NAA25: variants seen among roughly 807,000 people sequenced by gnomAD.
NAA25 encodes N-alpha-acetyltransferase 25, NatB auxiliary subunit.
In NAA25, 30 loss-of-function variants were observed where a neutral mutation model predicts 132.5. The observed-to-expected ratio is 0.23, with a 90% CI of 0.17 to 0.31. The LOEUF is 0.31. NAA25 is among the 10% of genes least tolerant of loss of function. NAA25 has a pLI of 1.00. For synonymous variants in NAA25, 359 were observed against 401.9 expected, an observed-to-expected ratio of 0.89 and a Z score of 1.28; for missense variants, 771 against 1,150.4, an observed-to-expected ratio of 0.67 and a Z score of 4.77.
In NAA25 at chr12:112,029,234, A is replaced by T. The variant is rs2078119106; in HGVS notation, c.*297T>A. 3.0e-6 allele frequency: 1 copy of T among 333,894 alleles called. No homozygotes were observed. The highest frequency in any genetic ancestry group is 5.5e-6 in the Non-Finnish European group (1 of 181,064). 20.7% of individuals were successfully genotyped at this position (333,894 alleles called of 1,614,324 possible). On this transcript the variant is annotated 3_prime_UTR_variant, in exon 24 of 24. Coordinates refer to ENST00000261745, the MANE Select transcript of NAA25 (RefSeq NM_024953.4). The stretch of plus-strand genomic sequence containing the variant: ...TTTTTATAGACCCCCCGCTCCCCTG[A>T]AAAGATGTTTCTGGTGATGGGAAGA...
chr12:112,040,080 G>A (rs914347009), intron 21 of NAA25: 2 of 157,654 alleles, frequency 1.3e-5, no homozygotes, highest in Non-Finnish European at 2.8e-5. Context: ...AGAGGAGGGA[G>A]TTTTGCTGTA....
At chr12:112,074,234 G>A (rs1045495181) in intron 9 of NAA25, among the ~76,000 whole-genome samples, 2 of 151,130 alleles carry the variant, frequency 1.3e-5, no homozygotes, top group African/African-American at 4.9e-5. Flanking sequence ...CCAGCTATTC[G>A]GGAAGCTGAG....
intron 9 of NAA25, 146 bp from the exon 10 acceptor site, chr12:112,072,210 T>C: frequency 1.6e-6 from 1 of 618,710 alleles, no homozygotes; most frequent in South Asian, 2.4e-5. Context: ...ACTATGAACA[T>C]ATTCTAACAG....
In NAA25 at chr12:112,043,202, G is replaced by A. The variant is rs761746978; in HGVS notation, c.2260C>T (p.Leu754Phe). 16 of 1,589,946 alleles carry A rather than the reference G, an allele frequency of 1.0e-5. No homozygotes were observed. Among genetic ancestry groups the A allele is most frequent in the Non-Finnish European group, 1.4e-5 (16 of 1,169,218 alleles). Residue 754 changes from leucine to phenylalanine, a missense_variant, in exon 19 of 24, where the codon CTT becomes TTT. Leu to Phe is a conservative substitution (Grantham distance 22). Around this residue, in one of 3 missense-constraint regions of NAA25, gnomAD observed 324 missense variants for 400.0 expected, o/e 0.81. Transcript: ENST00000261745. ...FIEKDIQYPF[L>F]GPVPTRMGGF... ...CCCATTCTGGTAGGTACAGGACCAAGGAAAGGATACTGGAAAAAAGGGAGA... is the reference window on the plus strand; with the variant it reads ...CCCATTCTGGTAGGTACAGGACCAAAGAAAGGATACTGGAAAAAAGGGAGA...
chr12:112,074,672 T>C lies in NAA25; in HGVS notation c.866+3A>G. ...TTATAATTCAGGAAAGAAGACAACTTACTGTTCACCTTCAGCAGGAGGACT... is the reference window on the plus strand; with the variant it reads ...TTATAATTCAGGAAAGAAGACAACTCACTGTTCACCTTCAGCAGGAGGACT... On this transcript the variant is annotated splice_donor_region_variant and intron_variant, in intron 9 of 23. Coordinates refer to ENST00000261745, the MANE Select transcript of NAA25 (RefSeq NM_024953.4). The C allele has an allele frequency of 6.3e-7, 1 of 1,593,110 alleles. No individual in the cohort carries two copies. The highest frequency in any genetic ancestry group is 8.6e-7 in the Non-Finnish European group (1 of 1,167,184).
chr12:112,053,635 C>G lies in NAA25; in HGVS notation c.1651G>C (p.Glu551Gln). The change falls in exon 15 of 24, where the codon GAA becomes CAA. Residue 551 changes from glutamate to glutamine, a missense_variant. Glu to Gln is a conservative substitution (Grantham distance 29). Around this residue, in one of 3 missense-constraint regions of NAA25, gnomAD observed 417 missense variants for 733.8 expected, o/e 0.57. Transcript: ENST00000261745. ...TIGYLLTRYA[E>Q]SLGQYAAASQ... Reference sequence around the variant, plus strand: ...GCAGCAGCATACTGACCTAGAGATTCAGCATATCGGGTCAAAAGATAACTA... The same window carrying G: ...GCAGCAGCATACTGACCTAGAGATTGAGCATATCGGGTCAAAAGATAACTA... 6.2e-7 allele frequency: 1 copy of G among 1,605,510 alleles called. No individual in the cohort carries two copies. The highest frequency in any genetic ancestry group is 8.5e-7 in the Non-Finnish European group (1 of 1,175,026).
intron 11 of NAA25, among the ~76,000 whole-genome samples, chr12:112,064,991 G>A (rs750073867): frequency 1.3e-5 from 2 of 152,076 alleles, no homozygotes; most frequent in Admixed American, 6.6e-5. Context: ...CCGAAATCGC[G>A]CCATTGCACT....
At chr12:112,052,555 G>T (rs1187802437) in intron 15 of NAA25, among the ~76,000 whole-genome samples, 2 of 152,248 alleles carry the variant, frequency 1.3e-5, no homozygotes, top group African/African-American at 4.8e-5. Flanking sequence ...CCTAAAACTT[G>T]TCAGAATGTA....
chr12:112,053,728 T>A, intron 14 of NAA25, 71 bp from the exon 15 acceptor site: 1 of 1,105,186 alleles, frequency 9.0e-7, no homozygotes, highest in Non-Finnish European at 1.3e-6. Context: ...TAACAAATAT[T>A]ACGCTTCAAA....
rs1416913435 is a variant in NAA25 at position 112,058,934 on chromosome 12, T to TGTAGTCCCAGCTACTC, written c.1447+1320_1447+1335dup. On this transcript the variant is annotated intron_variant, in intron 13 of 23. Transcript: ENST00000261745. ...TTAGCCAGGCATGGTGGCGGGCACC[T>TGTAGTCCCAGCTACTC]GTAGTCCCAGCTACTCGTAGTCCCA... Among the ~76,000 whole-genome samples, 4 of 151,696 alleles carry TGTAGTCCCAGCTACTC rather than the reference T, an allele frequency of 2.6e-5. No homozygotes were observed. In the South Asian group the frequency reaches 6.2e-4, roughly 24 times the overall value.
In NAA25 at chr12:112,073,287, T is replaced by C. The variant is rs537498778; in HGVS notation, c.867-1223A>G. On this transcript the variant is annotated intron_variant, in intron 9 of 23. Transcript: ENST00000261745. Reference sequence around the variant, plus strand: ...ACACACACACACACACACACACACATATATTTTTGAGATGGGGTCTTGTAC... The same window carrying C: ...ACACACACACACACACACACACACACATATTTTTGAGATGGGGTCTTGTAC... 2.5e-4 allele frequency among the ~76,000 whole-genome samples: 36 copies of C among 141,934 alleles called. 1 individual carries two copies. Among genetic ancestry groups the C allele is most frequent in the African/African-American group, 7.9e-4 (31 of 39,254 alleles). The allele number at this position is 141,934 out of a possible 152,430, so 93.1% of individuals were successfully genotyped here.
intron 1 of NAA25, among the ~76,000 whole-genome samples, chr12:112,107,836 A>T (rs2079386270): frequency 6.6e-6 from 1 of 152,218 alleles, no homozygotes; most frequent in Non-Finnish European, 1.5e-5. Flanking sequence ...ATCCAATTAC[A>T]CATTTCGGTT....
intron 15 of NAA25, among the ~76,000 whole-genome samples, chr12:112,050,818 G>T (rs1033462511): frequency 1.3e-5 from 2 of 152,090 alleles, no homozygotes; most frequent in African/African-American, 2.4e-5. Flanking sequence ...GATGACAACA[G>T]AAAATAACCT....
At chr12:112,102,930 C>A (rs1030916185) in intron 1 of NAA25, among the ~76,000 whole-genome samples, 1 of 152,088 alleles carries the variant, frequency 6.6e-6, no homozygotes, top group Non-Finnish European at 1.5e-5. Context: ...CCTCATGATC[C>A]GCCGGCCTCG....
chr12:112,099,807 AG>A (rs2079266241), intron 1 of NAA25, among the ~76,000 whole-genome samples: 1 of 152,194 alleles, frequency 6.6e-6, no homozygotes, highest in Non-Finnish European at 1.5e-5. Context: ...GCAAATAAAA[AG>A]GAAAGTTTTT....
At chr12:112,054,652 T>A in intron 13 of NAA25, 84 bp from the exon 14 acceptor site, 1 of 1,200,650 alleles carries the variant, frequency 8.3e-7, no homozygotes, top group Non-Finnish European at 1.2e-6. Context: ...CTTATTGACA[T>A]CATCACCCCC....
intron 2 of NAA25, among the ~76,000 whole-genome samples, chr12:112,092,261 A>G (rs891247025): frequency 1.3e-5 from 2 of 151,894 alleles, no homozygotes; most frequent in Admixed American, 6.6e-5. Flanking sequence ...AAAAAAACGA[A>G]AAAAGAAATA....
intron 2 of NAA25, among the ~76,000 whole-genome samples, chr12:112,091,262 GAAC>G (rs1487606571): frequency 1.3e-5 from 2 of 149,904 alleles, no homozygotes; most frequent in Non-Finnish European, 3.0e-5. Flanking sequence ...AAAAAAAAGT[GAAC>G]AATAGGACTG....
Position 112,029,220 on chromosome 12 carries a change from C to T in NAA25, c.*311G>A, listed in dbSNP as rs1248927940. Reference sequence around the variant, plus strand: ...AATTTCTATTGCTGTTTTTATAGACCCCCCGCTCCCCTGAAAAGATGTTTC... The same window carrying T: ...AATTTCTATTGCTGTTTTTATAGACTCCCCGCTCCCCTGAAAAGATGTTTC... On this transcript the variant is annotated 3_prime_UTR_variant, in exon 24 of 24. Transcript: ENST00000261745. 4 of 293,610 alleles carry T rather than the reference C, an allele frequency of 1.4e-5. No individual in the cohort carries two copies. The highest frequency in any genetic ancestry group is 1.3e-4 in the Admixed American group (3 of 22,296). The allele number at this position is 293,610 out of a possible 1,614,324, so 18.2% of individuals were successfully genotyped here.
Sources: allele counts gnomAD v4.1 joint callset (sites outside exome capture counted in the v4.1 genomes callset), GRCh38; gene constraint gnomAD v4.1.1; regional missense constraint gnomAD v4.1.1; transcripts MANE v1.5; gene names NCBI Gene and HGNC (gene_info 2026-07-23, HGNC 2026-07-21).